The following RAD54B variants were observed in gnomAD, a reference collection of about 807,000 sequenced individuals.
RAD54B encodes the protein RAD54 homolog B.
Under a neutral mutation model 95.8 loss-of-function variants are expected in RAD54B, and 78 were observed. That is an observed-to-expected ratio of 0.81 (90% confidence interval 0.68 to 0.98). RAD54B has a LOEUF of 0.98. Among genes scored for constraint, RAD54B ranks in the 50% least tolerant of loss-of-function variants. The pLI, the probability that RAD54B is intolerant of heterozygous loss-of-function variation, is 0.00. For synonymous variants in RAD54B, 328 were observed against 354.9 expected, an observed-to-expected ratio of 0.92 and a Z score of 0.85; for missense variants, 957 against 1,056.6, an observed-to-expected ratio of 0.91 and a Z score of 1.31.
rs766698371 is a variant in RAD54B, at chr8:94,400,401, C to T, written c.1007G>A (p.Cys336Tyr). The T allele has an allele frequency of 9.9e-6, 16 of 1,613,582 alleles. No homozygotes were observed. In the Admixed American group the frequency reaches 2.5e-4, roughly 25 times the overall value. ...CTGCAGGGTCCAGATGAGCGAAATA[C>T]ATTGCAATGTCTTCCCTAAACCCAT... Reference protein sequence around the residue: ...DEMGLGKTLQCISLIWTLQCQ... With the variant: ...DEMGLGKTLQYISLIWTLQCQ... The change falls in exon 7 of 15, where the codon TGT becomes TAT. Residue 336 changes from cysteine (C) to tyrosine (Y), a missense_variant. Coordinates refer to ENST00000336148, the MANE Select transcript of RAD54B (RefSeq NM_012415.3).
intron 3 of RAD54B, among the ~76,000 whole-genome samples, chr8:94,433,869 C>T (rs917783051): frequency 2.0e-5 from 3 of 151,490 alleles, no homozygotes; most frequent in African/African-American, 7.3e-5. Context: ...GATTAAAATG[C>T]TGGAACAAGT....
chr8:94,422,011 T>C (rs1300894150), intron 3 of RAD54B, among the ~76,000 whole-genome samples: 22 of 152,230 alleles, frequency 1.4e-4, no homozygotes, highest in Admixed American at 1.4e-3. Flanking sequence ...GACTTTTACC[T>C]GTCTTCTTCT....
intron 1 of RAD54B, among the ~76,000 whole-genome samples, chr8:94,470,490 G>C (rs746431366): frequency 2.4e-4 from 37 of 152,184 alleles, no homozygotes; most frequent in Non-Finnish European, 5.9e-5. Flanking sequence ...AGCTATTCAG[G>C]AGGCTGAGGC....
chr8:94,411,338 C>T lies in RAD54B; in HGVS notation c.305-23G>A, dbSNP rs117381351. ...GAACTACAATTAAAAAAAAAACACA[C>T]ATTATTAAAAATGACTTTAATGTCT... On this transcript the variant is annotated intron_variant, in intron 3 of 14. Transcript: ENST00000336148. 4,141 of 1,528,014 alleles carry T rather than the reference C, an allele frequency of 2.7e-3. 17 individuals carry two copies. Among genetic ancestry groups the T allele is most frequent in the Admixed American group, 0.017 (668 of 40,098 alleles). 94.7% of individuals were successfully genotyped at this position (1,528,014 alleles called of 1,614,324 possible). A position where few individuals can be genotyped will look rare whatever the true frequency, so the allele number is the denominator to read the frequency against.
intron 6 of RAD54B, among the ~76,000 whole-genome samples, chr8:94,402,266 C>G (rs1172278717): frequency 8.6e-6 from 1 of 116,150 alleles, no homozygotes; most frequent in Non-Finnish European, 1.9e-5. Context: ...TTTTTTTTTT[C>G]CTCTCCAGAC....
Position 94,393,804 on chromosome 8 carries a change from G to A in RAD54B, c.1457C>T (p.Ser486Leu), listed in dbSNP as rs1373668057. 6.3e-7 allele frequency: 1 copy of A among 1,586,168 alleles called. No homozygotes were observed. Among genetic ancestry groups the A allele is most frequent in the Non-Finnish European group, 8.6e-7 (1 of 1,156,146 alleles). Residue 486 changes from serine to leucine, a missense_variant, in exon 9 of 15, where the codon TCA (serine) becomes TTA (leucine). By Grantham distance (145) the Ser-to-Leu change is moderately radical. Coordinates refer to ENST00000336148, the MANE Select transcript of RAD54B (RefSeq NM_012415.3). ...FVNPGILGSLSSYRKIYEEPI... is the reference protein window; with the variant it reads ...FVNPGILGSLLSYRKIYEEPI... ...TTCTTCATATATTTTCCTATAAGAT[G>A]ACAAAGAGCCTAATATTCCTGGATT...
chr8:94,467,677 CCCCCAAG>C, intron 1 of RAD54B, 122 bp from the exon 2 acceptor site: 6 of 963,444 alleles, frequency 6.2e-6, no homozygotes, highest in South Asian at 2.2e-5. Context: ...CCTGCCTGGC[CCCCCAAG>C]CATAGAAACA....
chr8:94,412,668 T>C (rs1479614658), intron 3 of RAD54B, among the ~76,000 whole-genome samples: 1 of 152,086 alleles, frequency 6.6e-6, no homozygotes, highest in Non-Finnish European at 1.5e-5. Context: ...AACAATAAAA[T>C]TTTAAAAACA....
At chr8:94,409,802 C>T (rs923811208) in intron 4 of RAD54B, among the ~76,000 whole-genome samples, 3 of 152,066 alleles carry the variant, frequency 2.0e-5, no homozygotes, top group Non-Finnish European at 2.9e-5. Flanking sequence ...GCACACTATA[C>T]CTTAGGGGTA....
intron 3 of RAD54B, among the ~76,000 whole-genome samples, chr8:94,435,820 C>T (rs1812239785): frequency 6.6e-6 from 1 of 151,900 alleles, no homozygotes; most frequent in African/African-American, 2.4e-5. Flanking sequence ...CAAAGTGAAA[C>T]TAGACTATTA....
At position 94,432,194 on chromosome 8, in the gene RAD54B, A is replaced by C. The variant is rs1264929597; in HGVS notation, c.305-20879T>G. Reference sequence around the variant, plus strand: ...GAATTGCTTTCAGCTTCTCCACTTCAATTTTTGCTCTTAGTAGCTCTTCCT... The same window carrying C: ...GAATTGCTTTCAGCTTCTCCACTTCCATTTTTGCTCTTAGTAGCTCTTCCT... On this transcript the variant is annotated intron_variant, in intron 3 of 14. Transcript: ENST00000336148. 4 of 1,550,158 alleles carry C rather than the reference A, an allele frequency of 2.6e-6. No individual in the cohort carries two copies. In the East Asian group the frequency reaches 9.8e-5, roughly 38 times the overall value.
At position 94,422,180 on chromosome 8, in the gene RAD54B, G is replaced by A. The variant is rs139287461; in HGVS notation, c.305-10865C>T. On this transcript the variant is annotated intron_variant, in intron 3 of 14. Coordinates refer to ENST00000336148, the MANE Select transcript of RAD54B (RefSeq NM_012415.3). ...TCCCCAGTAACTTATAAAGTCCTGA[G>A]AGTATGTTTTGATTTGTTCATCACC... Among the ~76,000 whole-genome samples, 205 of 152,164 alleles carry A rather than the reference G, an allele frequency of 1.3e-3. 2 individuals carry two copies. The highest frequency in any genetic ancestry group is 4.8e-3 in the African/African-American group (198 of 41,512).
intron 14 of RAD54B, among the ~76,000 whole-genome samples, chr8:94,376,616 C>A (rs1444171977): frequency 6.6e-6 from 1 of 150,478 alleles, no homozygotes; most frequent in East Asian, 1.9e-4. Context: ...GAAAACATTT[C>A]TATGAAGTTT....
intron 1 of RAD54B, among the ~76,000 whole-genome samples, chr8:94,472,877 C>T (rs1242867024): frequency 6.6e-6 from 1 of 152,074 alleles, no homozygotes; most frequent in Non-Finnish European, 1.5e-5. Context: ...ATTTTTCAAT[C>T]CTCCTATTTT....
intron 3 of RAD54B, among the ~76,000 whole-genome samples, chr8:94,443,959 T>C (rs574980197): frequency 6.6e-6 from 1 of 152,142 alleles, no homozygotes; most frequent in African/African-American, 2.4e-5. Flanking sequence ...AAAAATAAAC[T>C]GTAAAAATAA....
At chr8:94,435,421 C>T (rs1207424187) in intron 3 of RAD54B, among the ~76,000 whole-genome samples, 2 of 152,026 alleles carry the variant, frequency 1.3e-5, no homozygotes, top group African/African-American at 4.8e-5. Flanking sequence ...CTGCTTCTCT[C>T]CTAATTTCAA....
chr8:94,405,376 G>A (rs917229000), intron 5 of RAD54B, among the ~76,000 whole-genome samples: 1 of 152,076 alleles, frequency 6.6e-6, no homozygotes, highest in Non-Finnish European at 1.5e-5. Context: ...GAGGAGATGA[G>A]AAGAGGAGAT....
intron 3 of RAD54B, chr8:94,428,877 G>A (rs1425239826): frequency 1.0e-6 from 1 of 985,078 alleles, no homozygotes; most frequent in Non-Finnish European, 1.2e-6. Flanking sequence ...AAAAGGTTTG[G>A]TTCCAAATTA....
At chr8:94,469,117 A>T (rs1463931452) in intron 1 of RAD54B, among the ~76,000 whole-genome samples, 25 of 149,254 alleles carry the variant, frequency 1.7e-4, no homozygotes, top group Non-Finnish European at 3.4e-4. Flanking sequence ...TTTTTTTAAT[A>T]AAAAAAAAGA....
Sources: allele counts gnomAD v4.1 joint callset (sites outside exome capture counted in the v4.1 genomes callset), GRCh38; gene constraint gnomAD v4.1.1; transcripts MANE v1.5; gene names NCBI Gene and HGNC (gene_info 2026-07-23, HGNC 2026-07-21).